Variants in TRHDE observed in about 807,000 individuals in gnomAD.
TRHDE encodes the protein thyrotropin-releasing hormone-degrading ectoenzyme.
In TRHDE, 72 loss-of-function variants were observed where a neutral mutation model predicts 125.7. That is an observed-to-expected ratio of 0.57 (90% confidence interval 0.47 to 0.70). TRHDE has a LOEUF of 0.70. Ranked by LOEUF, TRHDE falls within the 30% of genes least tolerant of loss-of-function variation. The pLI is 0.00. For synonymous variants in TRHDE, 509 were observed against 509.1 expected (o/e 1.00, Z 0.00); for missense variants, 1,110 against 1,327.1 (o/e 0.84, Z 2.54).
intron 2 of TRHDE, among the ~76,000 whole-genome samples, chr12:72,218,441 TG>T (rs1222467740): frequency 6.6e-6 from 1 of 152,156 alleles, no homozygotes; most frequent in Admixed American, 6.5e-5. Flanking sequence ...TTCATGATGC[TG>T]TTTTTTTTCT....
chr12:72,376,567 C>T (rs1313281457), intron 2 of TRHDE, among the ~76,000 whole-genome samples: 1 of 152,150 alleles, frequency 6.6e-6, no homozygotes. Flanking sequence ...AGTAGCTTTA[C>T]AATTTCAGTC....
intron 3 of TRHDE, among the ~76,000 whole-genome samples, chr12:72,405,648 A>G (rs1354385974): frequency 1.3e-5 from 2 of 152,184 alleles, no homozygotes; most frequent in African/African-American, 2.4e-5. Flanking sequence ...ACAGAAAACC[A>G]CTTGGCTACT....
rs541300632 is a variant in TRHDE, at chr12:72,604,936, C to T, written c.2322-13955C>T. Among the ~76,000 whole-genome samples the T allele has an allele frequency of 2.0e-4, 30 of 152,156 alleles. 1 individual carries two copies. In the South Asian group the frequency reaches 6.2e-3, roughly 32 times the overall value. On this transcript the variant is annotated intron_variant, in intron 12 of 18. Transcript: ENST00000261180. The stretch of plus-strand genomic sequence containing the variant: ...AGGAGTTAGAACATCATTATCATTA[C>T]TTTTTCTACGTTTTATTTGAACATT...
intron 2 of TRHDE, among the ~76,000 whole-genome samples, chr12:72,206,766 G>A (rs538879111): frequency 6.6e-6 from 1 of 151,922 alleles, no homozygotes; most frequent in South Asian, 2.1e-4. Context: ...TAATTATATT[G>A]CTTTGTGTGT....
At chr12:72,373,491 A>G (rs1051566171) in intron 2 of TRHDE, among the ~76,000 whole-genome samples, 10 of 152,138 alleles carry the variant, frequency 6.6e-5, no homozygotes, top group African/African-American at 2.2e-4. Flanking sequence ...ATGTGACTTG[A>G]GCTAATAGAT....
chr12:72,525,568 A>C (rs1868315887), intron 6 of TRHDE, among the ~76,000 whole-genome samples: 1 of 151,156 alleles, frequency 6.6e-6, no homozygotes, highest in South Asian at 2.1e-4. Context: ...GCCTTGAAAT[A>C]CTATACTAGA....
intron 5 of TRHDE, among the ~76,000 whole-genome samples, chr12:72,486,577 AGAGACTACACC>A (rs1012012037): frequency 3.9e-5 from 6 of 152,210 alleles, no homozygotes; most frequent in African/African-American, 1.4e-4. Context: ...GAAGCTAGAC[AGAGACTACACC>A]ACTGCACCCG....
At chr12:72,466,080 C>T (rs746735443) in intron 3 of TRHDE, among the ~76,000 whole-genome samples, 1 of 152,132 alleles carries the variant, frequency 6.6e-6, no homozygotes, top group African/African-American at 2.4e-5. Flanking sequence ...TCATACCTTT[C>T]GATACCAGTA....
intron 2 of TRHDE, among the ~76,000 whole-genome samples, chr12:72,296,579 G>T (rs1041571296): frequency 1.3e-5 from 2 of 151,656 alleles, no homozygotes; most frequent in African/African-American, 4.9e-5. Flanking sequence ...TTGGCTCGGT[G>T]GTCTGCAGCC....
intron 17 of TRHDE, among the ~76,000 whole-genome samples, chr12:72,654,587 T>G (rs1333730025): frequency 2.0e-5 from 3 of 152,152 alleles, no homozygotes; most frequent in African/African-American, 7.2e-5. Context: ...CCTTTATGAG[T>G]GTGCCTGCAA....
intron 8 of TRHDE, 34 bp from the exon 9 acceptor site, chr12:72,562,819 T>A: frequency 1.4e-5 from 20 of 1,391,484 alleles, no homozygotes; most frequent in Non-Finnish European, 2.0e-5. Context: ...AATTCATGTT[T>A]ATAAAACTAA....
At chr12:72,200,837 A>G (rs913830749) in intron 2 of TRHDE, among the ~76,000 whole-genome samples, 1 of 152,146 alleles carries the variant, frequency 6.6e-6, no homozygotes, top group Admixed American at 6.5e-5. Context: ...TAATACAGAT[A>G]GGGCTAATTG....
chr12:72,576,541 A>G (rs186603190), intron 12 of TRHDE, among the ~76,000 whole-genome samples: 8 of 152,270 alleles, frequency 5.3e-5, no homozygotes, highest in Admixed American at 3.9e-4. Flanking sequence ...CTTTGATAGA[A>G]GCAAAGCCAA....
At chr12:72,575,450 C>A in intron 11 of TRHDE, 37 bp from the exon 12 acceptor site, 1 of 1,613,274 alleles carries the variant, frequency 6.2e-7, no homozygotes, top group South Asian at 1.1e-5. Context: ...CCATTTTAAT[C>A]CTAAATTATC....
At chr12:72,150,210 A>G (rs1433416050) in intron 2 of TRHDE, among the ~76,000 whole-genome samples, 1 of 152,200 alleles carries the variant, frequency 6.6e-6, no homozygotes, top group Non-Finnish European at 1.5e-5. Context: ...CAAATATAAT[A>G]GTAACTGAGT....
intron 2 of TRHDE, among the ~76,000 whole-genome samples, chr12:72,238,746 G>C (rs1878414877): frequency 6.6e-6 from 1 of 152,106 alleles, no homozygotes. Context: ...TGGCCGCATA[G>C]TATTCCATGG....
intron 2 of TRHDE, among the ~76,000 whole-genome samples, chr12:72,233,696 T>C (rs1479717635): frequency 6.6e-6 from 1 of 152,164 alleles, no homozygotes; most frequent in Non-Finnish European, 1.5e-5. Context: ...AACCTCAGCA[T>C]AAAATGTTAT....
At position 72,326,842 on chromosome 12, in the gene TRHDE, C is replaced by T. The variant is rs137971534; in HGVS notation, c.1188+39888C>T. On this transcript the variant is annotated intron_variant, in intron 2 of 18. Coordinates refer to ENST00000261180, the MANE Select transcript of TRHDE (RefSeq NM_013381.3). Reference sequence around the variant, plus strand: ...AGCCTTATCAAAACTTGCTACATTGCCCTTACTTTTTTCATTTTGACTTAA... The same window carrying T: ...AGCCTTATCAAAACTTGCTACATTGTCCTTACTTTTTTCATTTTGACTTAA... Among the ~76,000 whole-genome samples, 178 of 152,172 alleles carry T rather than the reference C, an allele frequency of 1.2e-3. 1 individual carries two copies. Among genetic ancestry groups the T allele is most frequent in the African/African-American group, 3.9e-3 (161 of 41,518 alleles).
intron 2 of TRHDE, among the ~76,000 whole-genome samples, chr12:72,167,872 C>T (rs939975172): frequency 3.9e-5 from 6 of 152,044 alleles, no homozygotes; most frequent in Non-Finnish European, 7.4e-5. Flanking sequence ...TGTTCAGAGG[C>T]CTAAGTATCT....
Sources: allele counts gnomAD v4.1 joint callset (sites outside exome capture counted in the v4.1 genomes callset), GRCh38; gene constraint gnomAD v4.1.1; transcripts MANE v1.5; gene names NCBI Gene and HGNC (gene_info 2026-07-23, HGNC 2026-07-21).